UBAP1: variants seen among roughly 807,000 people sequenced by gnomAD.
The protein encoded by UBAP1 is ubiquitin-associated protein 1.
A neutral mutation model predicts 39.0 loss-of-function variants in UBAP1; 5 were observed. That is an observed-to-expected ratio of 0.13 (90% confidence interval 0.07 to 0.27). UBAP1 has a LOEUF of 0.27. Among genes scored for constraint, UBAP1 ranks in the 10% least tolerant of loss-of-function variants. The pLI is 1.00. For missense variants in UBAP1, 490 were observed against 608.1 expected, an observed-to-expected ratio of 0.81 and a Z score of 2.04; for synonymous variants, 211 against 225.1, an observed-to-expected ratio of 0.94 and a Z score of 0.56.
chr9:34,191,953 C>A (rs1416677993), intron 1 of UBAP1: 3 of 151,254 alleles, frequency 2.0e-5, no homozygotes, highest in African/African-American at 7.3e-5. Context: ...AAAAACCAAC[C>A]TCTCTCAGCC....
rs532326415 is a variant in UBAP1, at chr9:34,186,278, A to C, written c.-8+7038A>C. ...ATAAACTGGATAAACTGGATAAATG[A>C]CTGAAAGTTTCTTTTTTATATTGCT... On this transcript the variant is annotated intron_variant, in intron 1 of 6. Transcript: ENST00000297661. Among the ~76,000 whole-genome samples, 89 of 152,328 alleles carry C rather than the reference A, an allele frequency of 5.8e-4. 1 individual carries two copies. The highest frequency in any genetic ancestry group is 2.1e-4 in the Non-Finnish European group (14 of 68,032).
chr9:34,228,345 G>C (rs191634535), intron 2 of UBAP1, among the ~76,000 whole-genome samples: 309 of 150,736 alleles, frequency 2.0e-3, no homozygotes, highest in Middle Eastern at 0.01. Flanking sequence ...GTGAACCCAG[G>C]AGGCGGAGCT....
intron 2 of UBAP1, chr9:34,224,146 C>CTT (rs995501113): frequency 2.0e-5 from 14 of 684,300 alleles, no homozygotes; most frequent in South Asian, 7.3e-5. Context: ...TGATTTTGGC[C>CTT]TTTTTTTTTC....
At chr9:34,221,082 A>G in intron 2 of UBAP1, 134 bp downstream of exon 2, 1 of 748,886 alleles carries the variant, frequency 1.3e-6, no homozygotes, top group South Asian at 1.7e-5. Context: ...AAAGTTGTAC[A>G]ACAATGTATC....
chr9:34,231,262 G>C (rs1399104396), intron 2 of UBAP1, among the ~76,000 whole-genome samples: 1 of 151,112 alleles, frequency 6.6e-6, no homozygotes, highest in East Asian at 1.9e-4. Context: ...TTTCACTCTT[G>C]TTGCCCAGGC....
intron 1 of UBAP1, among the ~76,000 whole-genome samples, chr9:34,199,486 A>G (rs766897279): frequency 2.0e-5 from 3 of 152,216 alleles, no homozygotes; most frequent in African/African-American, 4.8e-5. Flanking sequence ...GTTCCTGGCT[A>G]TCCCTAACTC....
At chr9:34,224,452 C>G (rs999911927) in intron 2 of UBAP1, 2 of 391,936 alleles carry the variant, frequency 5.1e-6, no homozygotes, top group Admixed American at 3.6e-5. Context: ...CTACATGCAG[C>G]CTTAGGGCAC....
intron 1 of UBAP1, among the ~76,000 whole-genome samples, chr9:34,186,585 TATC>T (rs1234783864): frequency 7.7e-4 from 117 of 152,294 alleles, no homozygotes; most frequent in African/African-American, 2.7e-3. Flanking sequence ...TTTGAAATTG[TATC>T]TATAGTGTTT....
intron 1 of UBAP1, among the ~76,000 whole-genome samples, chr9:34,183,484 C>G (rs898060743): frequency 6.7e-6 from 1 of 148,378 alleles, no homozygotes; most frequent in Non-Finnish European, 1.5e-5. Flanking sequence ...ACTCCAGAGG[C>G]GGAGCTTGCA....
chr9:34,205,465 A>G (rs1171305565), intron 1 of UBAP1, among the ~76,000 whole-genome samples: 1 of 152,038 alleles, frequency 6.6e-6, no homozygotes, highest in Non-Finnish European at 1.5e-5. Flanking sequence ...CATTTTAAAG[A>G]TATTGTTTTG....
At chr9:34,204,219 C>T (rs886480027) in intron 1 of UBAP1, among the ~76,000 whole-genome samples, 4 of 152,112 alleles carry the variant, frequency 2.6e-5, no homozygotes, top group Non-Finnish European at 5.9e-5. Context: ...CCCAGCTACT[C>T]GGGAGGCTAA....
intron 4 of UBAP1, among the ~76,000 whole-genome samples, chr9:34,246,164 T>C (rs1421959850): frequency 6.6e-6 from 1 of 152,210 alleles, no homozygotes; most frequent in Admixed American, 6.6e-5. Context: ...CCTCCTGGGC[T>C]CAAGTGATCC....
intron 1 of UBAP1, among the ~76,000 whole-genome samples, chr9:34,182,938 C>T (rs902375999): frequency 1.6e-4 from 24 of 151,846 alleles, no homozygotes; most frequent in Admixed American, 9.2e-4. Flanking sequence ...TCTCGATCTC[C>T]TGGCTAATTT....
intron 4 of UBAP1, among the ~76,000 whole-genome samples, chr9:34,248,498 G>T (rs1834293821): frequency 6.6e-6 from 1 of 152,210 alleles, no homozygotes. Flanking sequence ...CTCTGTGGCT[G>T]TTGGTTTCTT....
intron 2 of UBAP1, among the ~76,000 whole-genome samples, chr9:34,226,133 G>GTGTGTGTGTGTGTGTGTGTGTT (rs1833077646): frequency 7.0e-6 from 1 of 143,342 alleles, no homozygotes; most frequent in Non-Finnish European, 1.5e-5. Flanking sequence ...GTGTGTGTGT[G>GTGTGTGTGTGTGTGTGTGTGTT]TGTGTGTGTG....
intron 1 of UBAP1, among the ~76,000 whole-genome samples, chr9:34,197,683 G>A (rs963804055): frequency 1.4e-4 from 21 of 152,140 alleles, no homozygotes; most frequent in African/African-American, 4.6e-4. Context: ...CCCAGTAGCT[G>A]GGGTTACAAG....
chr9:34,207,048 C>CTTTTTTTTTTTTTT (rs34197502), intron 1 of UBAP1, among the ~76,000 whole-genome samples: 2 of 90,054 alleles, frequency 2.2e-5, no homozygotes, highest in African/African-American at 4.5e-5. Context: ...ATTGTTATTT[C>CTTTTTTTTTTTTTT]TTTTTTTTTT....
chr9:34,248,697 C>G (rs544620014), intron 4 of UBAP1, among the ~76,000 whole-genome samples: 1 of 152,280 alleles, frequency 6.6e-6, no homozygotes, highest in Admixed American at 6.5e-5. Context: ...GCTCTGAGGC[C>G]TATAGCCATC....
rs147368665 is a variant in UBAP1 at position 34,208,273 on chromosome 9, G to A, written c.-7-12635G>A. ...CTGTATTTATATATTCAATTTTTCCGAAGTTTTTTGGCACCAATATTATAC... is the reference window on the plus strand; with the variant it reads ...CTGTATTTATATATTCAATTTTTCCAAAGTTTTTTGGCACCAATATTATAC... On this transcript the variant is annotated intron_variant, in intron 1 of 6. Transcript: ENST00000297661. Among the ~76,000 whole-genome samples, 244 of 151,498 alleles carry A rather than the reference G, an allele frequency of 1.6e-3. 1 individual carries two copies. Among genetic ancestry groups the A allele is most frequent in the Middle Eastern group, 6.8e-3 (2 of 294 alleles).
Sources: gnomAD v4.1 joint callset for allele counts (sites outside exome capture counted in the v4.1 genomes callset) on GRCh38, gnomAD v4.1.1 for gene constraint, MANE v1.5 for transcripts, NCBI Gene and HGNC (gene_info 2026-07-23, HGNC 2026-07-21) for gene names.